SAMD13: variants seen among roughly 807,000 people sequenced by gnomAD.
SAMD13 encodes the protein sterile alpha motif domain-containing protein 13.
SAMD13 carries 9 observed loss-of-function variants against 12.4 expected under a neutral mutation model. The observed-to-expected ratio is 0.72, with a 90% CI of 0.44 to 1.26. The LOEUF is 1.26. Among genes scored for constraint, SAMD13 ranks in the 50% most tolerant of loss-of-function variants. SAMD13 has a pLI of 0.00. For synonymous variants in SAMD13, 46 were observed against 45.4 expected (o/e 1.01, Z -0.05); for missense variants, 84 against 119.6 (o/e 0.70, Z 1.39).
intron 3 of SAMD13, among the ~76,000 whole-genome samples, chr1:84,343,880 A>G (rs565059044): frequency 2.0e-5 from 3 of 152,124 alleles, no homozygotes; most frequent in African/African-American, 7.2e-5. Context: ...ATTAAAAAAA[A>G]TTTTTAATCA....
chr1:84,347,483 G>A (rs1405389505), intron 3 of SAMD13, among the ~76,000 whole-genome samples: 2 of 152,162 alleles, frequency 1.3e-5, no homozygotes, highest in Admixed American at 1.3e-4. Flanking sequence ...GTTGTCAAAG[G>A]ACTTTTTGCC....
At chr1:84,303,403 G>A in intron 2 of SAMD13, 116 bp downstream of exon 2, 1 of 749,844 alleles carries the variant, frequency 1.3e-6, no homozygotes, top group Non-Finnish European at 2.2e-6. Flanking sequence ...GCCTTGGTTT[G>A]TCTACACTGG....
chr1:84,328,616 A>G (rs544304876), intron 3 of SAMD13, among the ~76,000 whole-genome samples: 1 of 152,216 alleles, frequency 6.6e-6, no homozygotes, highest in East Asian at 1.9e-4. Context: ...AGGACTGAGG[A>G]TTGGATCCTC....
upstream of SAMD13, among the ~76,000 whole-genome samples, chr1:84,300,069 CAG>C (rs1678420929): frequency 1.3e-5 from 2 of 152,120 alleles, no homozygotes; most frequent in Non-Finnish European, 2.9e-5. Flanking sequence ...CCCCAAGACA[CAG>C]AACTCCCAGT....
At chr1:84,327,799 A>G (rs1287241990) in intron 3 of SAMD13, among the ~76,000 whole-genome samples, 1 of 152,164 alleles carries the variant, frequency 6.6e-6, no homozygotes, top group African/African-American at 2.4e-5. Context: ...TGTAGCATCT[A>G]GGTGTTCAGA....
intron 2 of SAMD13, among the ~76,000 whole-genome samples, chr1:84,315,909 A>G (rs555209285): frequency 6.6e-6 from 1 of 152,260 alleles, no homozygotes; most frequent in Admixed American, 6.5e-5. Flanking sequence ...ATAGTATCCT[A>G]AGAGGTATGA....
At chr1:84,299,677 T>TATA (rs768200933), upstream of SAMD13, 26,680 of 309,698 alleles carry the variant, frequency 0.086, 396 homozygotes, top group Middle Eastern at 0.13. Flanking sequence ...ATATATATAT[T>TATA]TATTTATTTA....
chr1:84,313,173 T>C (rs1318111572), intron 2 of SAMD13, among the ~76,000 whole-genome samples: 2 of 152,170 alleles, frequency 1.3e-5, no homozygotes, highest in Non-Finnish European at 2.9e-5. Flanking sequence ...AATATATACA[T>C]ATATTCACAT....
At chr1:84,341,308 T>C (rs779863687) in intron 3 of SAMD13, among the ~76,000 whole-genome samples, 17 of 152,152 alleles carry the variant, frequency 1.1e-4, no homozygotes, top group Admixed American at 2.0e-4. Flanking sequence ...TTGGGGTAGA[T>C]GGGGATTGGT....
At chr1:84,309,705 T>G (rs963648498) in intron 2 of SAMD13, among the ~76,000 whole-genome samples, 1 of 151,930 alleles carries the variant, frequency 6.6e-6, no homozygotes, top group African/African-American at 2.4e-5. Flanking sequence ...TAATAACCAA[T>G]AAATAAGAAA....
chr1:84,302,781 A>AT, intron 1 of SAMD13: 1 of 670,440 alleles, frequency 1.5e-6, no homozygotes, highest in Non-Finnish European at 1.8e-6. Flanking sequence ...CAAAAAAAAA[A>AT]CCAAACACAA....
At chr1:84,331,887 C>T (rs1026198562) in intron 3 of SAMD13, among the ~76,000 whole-genome samples, 1 of 152,034 alleles carries the variant, frequency 6.6e-6, no homozygotes, top group Non-Finnish European at 1.5e-5. Flanking sequence ...ACCCTCCTCC[C>T]ACCCTCCACC....
chr1:84,302,478 A>G (rs368620167), intron 1 of SAMD13, among the ~76,000 whole-genome samples: 42 of 151,582 alleles, frequency 2.8e-4, no homozygotes, highest in African/African-American at 1.0e-3. Context: ...ATGCTACAAT[A>G]TCTCCTTAAA....
intron 3 of SAMD13, among the ~76,000 whole-genome samples, chr1:84,337,919 A>T (rs976337527): frequency 7.9e-5 from 12 of 152,158 alleles, no homozygotes; most frequent in African/African-American, 2.9e-4. Context: ...AAGTTCCACA[A>T]ATCTCTAGGG....
At chr1:84,319,645 G>T (rs113872906) in intron 2 of SAMD13, among the ~76,000 whole-genome samples, 3,894 of 150,294 alleles carry the variant, frequency 0.026, 163 homozygotes, top group African/African-American at 0.088. Context: ...AAAAAAAGGA[G>T]CATTGTTATT....
chr1:84,306,854 T>TAAA (rs1360684703), intron 2 of SAMD13, among the ~76,000 whole-genome samples: 11 of 141,962 alleles, frequency 7.7e-5, no homozygotes, highest in Middle Eastern at 3.6e-3. Context: ...ATAATAATAA[T>TAAA]AAAATAAAAT....
intron 3 of SAMD13, among the ~76,000 whole-genome samples, chr1:84,345,900 C>T (rs567815575): frequency 2.0e-5 from 3 of 152,214 alleles, no homozygotes; most frequent in South Asian, 4.1e-4. Flanking sequence ...GATAGGGTCT[C>T]ACTATGTTGC....
intron 2 of SAMD13, among the ~76,000 whole-genome samples, chr1:84,319,352 G>A (rs933872241): frequency 5.9e-5 from 9 of 152,094 alleles, no homozygotes; most frequent in African/African-American, 2.2e-4. Context: ...TTGGCCAGGT[G>A]CAGTGGCTCA....
chr1:84,346,623 G>A (rs1379977842), intron 3 of SAMD13, among the ~76,000 whole-genome samples: 3 of 152,042 alleles, frequency 2.0e-5, no homozygotes, highest in East Asian at 1.9e-4. Context: ...TGTTCCTTAC[G>A]GAAAGTTACT....
Sources: allele counts gnomAD v4.1 joint callset (sites outside exome capture counted in the v4.1 genomes callset), GRCh38; gene constraint gnomAD v4.1.1; transcripts MANE v1.5; gene names NCBI Gene and HGNC (gene_info 2026-07-23, HGNC 2026-07-21).